Variants in SMAD6 observed in about 807,000 individuals in gnomAD.
SMAD6 encodes MAD homolog 6.
In SMAD6, 103 loss-of-function variants were observed where a neutral mutation model predicts 39.4. The observed-to-expected ratio is 2.62, with a 90% confidence interval of 2.23 to 3.08. SMAD6 has a LOEUF of 3.08. Ranked by LOEUF, SMAD6 falls within the 30% of genes most tolerant of loss-of-function variation. The probability of loss-of-function intolerance (pLI) is 0.00; values close to 1 mark genes in which losing one functional copy is unlikely to be tolerated. For missense variants in SMAD6, 1,104 were observed against 742.9 expected, an observed-to-expected ratio of 1.49 and a Z score of -5.65; for synonymous variants, 445 against 353.3, an observed-to-expected ratio of 1.26 and a Z score of -2.91.
At chr15:66,768,172 A>T (rs183806288) in intron 3 of SMAD6, among the ~76,000 whole-genome samples, 1 of 151,940 alleles carries the variant, frequency 6.6e-6, no homozygotes, top group Non-Finnish European at 1.5e-5. Flanking sequence ...GGGACTTGCT[A>T]TGTTGCCAGG....
At chr15:66,721,283 G>C (rs1187331443) in intron 3 of SMAD6, among the ~76,000 whole-genome samples, 3 of 152,152 alleles carry the variant, frequency 2.0e-5, no homozygotes, top group African/African-American at 7.2e-5. Flanking sequence ...GGGTCCGTTG[G>C]GGTTGGTGCT....
At chr15:66,728,054 T>G (rs1252160778) in intron 3 of SMAD6, among the ~76,000 whole-genome samples, 1 of 152,190 alleles carries the variant, frequency 6.6e-6, no homozygotes, top group East Asian at 1.9e-4. Flanking sequence ...GGTTTCTCCA[T>G]GTTGGTCAGG....
Position 66,703,608 on chromosome 15 carries a change from C to T in SMAD6, c.350C>T (p.Pro117Leu), listed in dbSNP as rs1393785160. ...GAGCCGGGAGGCCCGGGCTGGCTGC[C>T]CGAGAGTGACTGCGAGACGGTGACC... ...VAEPGGPGWLPESDCETVTCC... is the reference protein window; with the variant it reads ...VAEPGGPGWLLESDCETVTCC... Residue 117 changes from proline (P) to leucine (L), a missense_variant, in exon 1 of 4, where the codon CCC becomes CTC. Transcript: ENST00000288840. 4.1e-6 allele frequency: 5 copies of T among 1,230,722 alleles called. No homozygotes were observed. Among genetic ancestry groups the T allele is most frequent in the Non-Finnish European group, 5.1e-6 (5 of 984,386 alleles). 76.2% of individuals were successfully genotyped at this position (1,230,722 alleles called of 1,614,324 possible). A position where few individuals can be genotyped will look rare whatever the true frequency, so the allele number is the denominator to read the frequency against.
intron 3 of SMAD6, among the ~76,000 whole-genome samples, chr15:66,759,092 G>A (rs979523610): frequency 9.2e-5 from 14 of 152,134 alleles, no homozygotes; most frequent in African/African-American, 3.1e-4. Context: ...GTAAGCCTAC[G>A]TTCCAACAAA....
In SMAD6 at chr15:66,703,550, G is replaced by T. The variant is rs1383502178; in HGVS notation, c.292G>T (p.Ala98Ser). The T allele has an allele frequency of 8.2e-7, 1 of 1,221,868 alleles. No individual in the cohort carries two copies. The allele number at this position is 1,221,868 out of a possible 1,614,324, so 75.7% of individuals were successfully genotyped here. A position where few individuals can be genotyped will look rare whatever the true frequency, so the allele number is the denominator to read the frequency against. ...CCCGAGGCCCATGTCGGAGCCAGGG[G>T]CCGGCGCTGGGAGCTCCCTGCTGGA... ...GPPRPMSEPG[A>S]GAGSSLLDVA... The change falls in exon 1 of 4, where the codon GCC (alanine) becomes TCC (serine). Residue 98 changes from alanine (A) to serine (S), a missense_variant. By Grantham distance (99) the Ala-to-Ser change is moderately conservative. Transcript: ENST00000288840.
At chr15:66,745,507 T>G (rs549841934) in intron 3 of SMAD6, among the ~76,000 whole-genome samples, 1 of 152,222 alleles carries the variant, frequency 6.6e-6, no homozygotes, top group African/African-American at 2.4e-5. Flanking sequence ...TCCCCACGGG[T>G]CAAGGGGAAA....
intron 3 of SMAD6, among the ~76,000 whole-genome samples, chr15:66,726,075 C>T (rs1462186062): frequency 6.6e-6 from 1 of 152,178 alleles, no homozygotes; most frequent in African/African-American, 2.4e-5. Context: ...AGGTTTGGCC[C>T]CTGAGGAGGC....
chr15:66,777,790 A>G (rs890180721), intron 3 of SMAD6, among the ~76,000 whole-genome samples: 2 of 152,228 alleles, frequency 1.3e-5, no homozygotes, highest in African/African-American at 4.8e-5. Context: ...CCAGGAGCGC[A>G]GGCCTGATGA....
In SMAD6 at chr15:66,780,933, G is replaced by A. The variant is rs1348466592; in HGVS notation, c.953-64G>A. 11 of 1,462,840 alleles carry A rather than the reference G, an allele frequency of 7.5e-6. No homozygotes were observed. In the African/African-American group the frequency reaches 1.4e-4, roughly 19 times the overall value. The allele number at this position is 1,462,840 out of a possible 1,614,324, so 90.6% of individuals were successfully genotyped here. On this transcript the variant is annotated intron_variant, in intron 3 of 3. Transcript: ENST00000288840. ...TGTGCAGACAGCAGTGCCCACCTCC[G>A]CTCCTCGGTGCCTCCCACCTCCCCA...
chr15:66,773,320 A>G (rs2140671921), intron 3 of SMAD6, among the ~76,000 whole-genome samples: 1 of 152,226 alleles, frequency 6.6e-6, no homozygotes, highest in South Asian at 2.1e-4. Flanking sequence ...TTGACCATTA[A>G]CATGGCCCTG....
At chr15:66,728,555 T>C (rs1256365374) in intron 3 of SMAD6, among the ~76,000 whole-genome samples, 6 of 151,918 alleles carry the variant, frequency 3.9e-5, no homozygotes. Context: ...TACAGGAGCA[T>C]GCCACCACAC....
chr15:66,705,472 T>A (rs1439179745), intron 1 of SMAD6: 1 of 151,522 alleles, frequency 6.6e-6, no homozygotes, highest in Non-Finnish European at 1.5e-5. Flanking sequence ...TACTGACAGC[T>A]TTCCCTGGAA....
At chr15:66,704,946 C>G (rs1893079126) in intron 1 of SMAD6, 1 of 152,520 alleles carries the variant, frequency 6.6e-6, no homozygotes, top group African/African-American at 2.4e-5. Flanking sequence ...GAGGCTCCAG[C>G]AGGCCAGGAG....
chr15:66,715,636 G>A (rs528276214), intron 2 of SMAD6, among the ~76,000 whole-genome samples: 3 of 152,232 alleles, frequency 2.0e-5, no homozygotes, highest in Non-Finnish European at 4.4e-5. Flanking sequence ...GTCCCAAAAG[G>A]CATCGGCTTG....
intron 3 of SMAD6, among the ~76,000 whole-genome samples, chr15:66,750,997 C>T (rs1046400997): frequency 6.6e-6 from 1 of 152,152 alleles, no homozygotes; most frequent in African/African-American, 2.4e-5. Context: ...CGTGCTAGGC[C>T]ATGAGTAACC....
chr15:66,757,791 C>T (rs1345662038), intron 3 of SMAD6, among the ~76,000 whole-genome samples: 2 of 152,230 alleles, frequency 1.3e-5, no homozygotes, highest in Non-Finnish European at 2.9e-5. Flanking sequence ...GTCCACCGAG[C>T]CGCGAAGGAA....
At chr15:66,731,943 C>CT (rs71455528) in intron 3 of SMAD6, among the ~76,000 whole-genome samples, 40,033 of 133,190 alleles carry the variant, frequency 0.3, 6,286 homozygotes, top group East Asian at 0.42. Context: ...CTCATTGTGA[C>CT]TTTTTTTTTT....
intron 3 of SMAD6, among the ~76,000 whole-genome samples, chr15:66,726,799 A>G (rs542980716): frequency 5.9e-5 from 9 of 151,932 alleles, no homozygotes; most frequent in Admixed American, 2.6e-4. Context: ...TTGCACATCA[A>G]TCCTGTGAAG....
chr15:66,702,939 G>A lies in SMAD6; in HGVS notation c.-320G>A, dbSNP rs1324845257. On this transcript the variant is annotated 5_prime_UTR_variant, in exon 1 of 4. Transcript: ENST00000288840. ...CCGGCCCATGTGGGGTCTTTCTGGC[G>A]GCGCGCCGCCTGCAGCCCCCCTAAA... 4.1e-6 allele frequency: 1 copy of A among 244,848 alleles called. No homozygotes were observed. 15.2% of individuals were successfully genotyped at this position (244,848 alleles called of 1,614,324 possible).
Sources: allele counts gnomAD v4.1 joint callset (sites outside exome capture counted in the v4.1 genomes callset), GRCh38; gene constraint gnomAD v4.1.1; transcripts MANE v1.5; gene names NCBI Gene and HGNC (gene_info 2026-07-23, HGNC 2026-07-21).